ZMYM4: variants seen among roughly 807,000 people sequenced by gnomAD.
The protein encoded by ZMYM4 is zinc finger MYM-type containing 4.
Under a neutral mutation model 183.2 loss-of-function variants are expected in ZMYM4, and 31 were observed. The observed-to-expected ratio is 0.17, with a 90% CI of 0.13 to 0.23. The LOEUF is 0.23. Ranked by LOEUF, ZMYM4 falls within the 10% of genes least tolerant of loss-of-function variation. The probability of loss-of-function intolerance (pLI) is 1.00; values close to 1 mark genes in which losing one functional copy is unlikely to be tolerated. For missense variants in ZMYM4, 1,273 were observed against 1,840.3 expected (o/e 0.69, Z 5.64); for synonymous variants, 592 against 631.2 (o/e 0.94, Z 0.93).
At chr1:35,371,978 A>G (rs1644224680) in intron 7 of ZMYM4, among the ~76,000 whole-genome samples, 1 of 152,180 alleles carries the variant, frequency 6.6e-6, no homozygotes, top group Non-Finnish European at 1.5e-5. Context: ...TAAAAGAACA[A>G]TAGAAACTTC....
intron 7 of ZMYM4, among the ~76,000 whole-genome samples, chr1:35,371,101 G>A: frequency 7.9e-6 from 1 of 126,030 alleles, no homozygotes; most frequent in African/African-American, 3.5e-5. Flanking sequence ...GTGTGTGTGT[G>A]TGTGTGCGCA....
At chr1:35,293,250 C>T (rs1016294950) in intron 1 of ZMYM4, among the ~76,000 whole-genome samples, 19 of 152,002 alleles carry the variant, frequency 1.2e-4, no homozygotes, top group African/African-American at 4.6e-4. Context: ...AATGATCCTC[C>T]TGCCTCAGCC....
intron 23 of ZMYM4, among the ~76,000 whole-genome samples, chr1:35,399,780 G>A (rs889687819): frequency 6.6e-6 from 1 of 151,574 alleles, no homozygotes; most frequent in Non-Finnish European, 1.5e-5. Context: ...TATAGTTAAG[G>A]GTTTTCTTTT....
Position 35,420,087 on chromosome 1 carries a change from G to A in ZMYM4, c.*410G>A, listed in dbSNP as rs1259356445. 1 of 273,910 alleles carries A rather than the reference G, an allele frequency of 3.7e-6. No homozygotes were observed. The highest frequency in any genetic ancestry group is 2.2e-5 in the African/African-American group (1 of 45,768). 17.0% of individuals were successfully genotyped at this position (273,910 alleles called of 1,614,324 possible). A position where few individuals can be genotyped will look rare whatever the true frequency, so the allele number is the denominator to read the frequency against. On this transcript the variant is annotated 3_prime_UTR_variant, in exon 30 of 30. Transcript: ENST00000314607. ...CTACTTTGGCAAGCCCTCCGTAAAAGTCAGAGGAGAGATCAGTACAGAGCT... is the reference window on the plus strand; with the variant it reads ...CTACTTTGGCAAGCCCTCCGTAAAAATCAGAGGAGAGATCAGTACAGAGCT...
At chr1:35,352,583 C>T (rs1643668578) in intron 2 of ZMYM4, among the ~76,000 whole-genome samples, 1 of 152,170 alleles carries the variant, frequency 6.6e-6, no homozygotes, top group Non-Finnish European at 1.5e-5. Flanking sequence ...ACTCATTTTC[C>T]CACTGATGTA....
intron 7 of ZMYM4, 123 bp from the exon 8 acceptor site, chr1:35,381,136 T>G: frequency 2.5e-6 from 2 of 792,088 alleles, no homozygotes; most frequent in Non-Finnish European, 3.7e-6. Flanking sequence ...GTTTTTAAAC[T>G]TAAATTCCAG....
chr1:35,328,705 G>A (rs1045567748), intron 2 of ZMYM4, among the ~76,000 whole-genome samples: 3 of 151,994 alleles, frequency 2.0e-5, no homozygotes, highest in African/African-American at 4.8e-5. Context: ...AGCCCTGGAG[G>A]CAGAGAAGTG....
chr1:35,371,094 TGTGTGTGTGTGTGC>T (rs1397397499), intron 7 of ZMYM4, among the ~76,000 whole-genome samples: 63 of 128,454 alleles, frequency 4.9e-4, no homozygotes, highest in African/African-American at 8.8e-4. Flanking sequence ...TGTGTGTGTG[TGTGTGTGTGTGTGC>T]GCACATTTAT....
chr1:35,276,274 C>T (rs1300820543), intron 1 of ZMYM4, among the ~76,000 whole-genome samples: 1 of 143,002 alleles, frequency 7.0e-6, no homozygotes, highest in Non-Finnish European at 1.5e-5. Flanking sequence ...TTCCCTCCCT[C>T]CCTCCCTTCT....
In ZMYM4 at chr1:35,381,769, A is replaced by T. The variant is rs754241493; in HGVS notation, c.1569+11A>T. 2.5e-6 allele frequency: 4 copies of T among 1,612,736 alleles called. No individual in the cohort carries two copies. The highest frequency in any genetic ancestry group is 1.3e-5 in the African/African-American group (1 of 74,994). The stretch of plus-strand genomic sequence containing the variant: ...ACGGCATACAAGCAGGTACATGACC[A>T]TATTTAATCTTGATGTCTTTGTTCA... On this transcript the variant is annotated intron_variant, in intron 9 of 29. Coordinates refer to ENST00000314607, the MANE Select transcript of ZMYM4 (RefSeq NM_005095.3).
intron 1 of ZMYM4, among the ~76,000 whole-genome samples, chr1:35,280,120 T>C (rs1019056235): frequency 6.8e-6 from 1 of 148,040 alleles, no homozygotes; most frequent in Non-Finnish European, 1.5e-5. Context: ...TTACTTTCTT[T>C]TCTTTCTTTG....
At chr1:35,323,082 C>G (rs542291126) in intron 1 of ZMYM4, among the ~76,000 whole-genome samples, 29 of 152,010 alleles carry the variant, frequency 1.9e-4, no homozygotes, top group African/African-American at 7.0e-4. Flanking sequence ...TCACTGCAAC[C>G]TCCACCTCCT....
intron 7 of ZMYM4, among the ~76,000 whole-genome samples, chr1:35,379,129 GTC>G (rs1289867849): frequency 6.6e-6 from 1 of 152,138 alleles, no homozygotes. Context: ...GAGACGGAGT[GTC>G]TCTCTATCAC....
intron 1 of ZMYM4, among the ~76,000 whole-genome samples, chr1:35,286,418 A>ACTAG (rs1459537451): frequency 6.6e-6 from 1 of 152,082 alleles, no homozygotes; most frequent in African/African-American, 2.4e-5. Flanking sequence ...TACATACGCT[A>ACTAG]CTTCAGACCT....
rs1463712913 is a variant in ZMYM4, at chr1:35,419,887, AT to A, written c.*211del. 1 of 569,128 alleles carries A rather than the reference AT, an allele frequency of 1.8e-6. No individual in the cohort carries two copies. Among genetic ancestry groups the A allele is most frequent in the Non-Finnish European group, 3.1e-6 (1 of 320,456 alleles). The allele number at this position is 569,128 out of a possible 1,614,324, so 35.3% of individuals were successfully genotyped here. A position where few individuals can be genotyped will look rare whatever the true frequency, so the allele number is the denominator to read the frequency against. On this transcript the variant is annotated 3_prime_UTR_variant, in exon 30 of 30. Transcript: ENST00000314607. ...CTGAGAAATGTTCTTTGGCAGTGATATAGTTCTTAGACATCTTCAGAATGAC... is the reference window on the plus strand; with the variant it reads ...CTGAGAAATGTTCTTTGGCAGTGATAAGTTCTTAGACATCTTCAGAATGAC...
chr1:35,286,537 A>T (rs1479884529), intron 1 of ZMYM4, among the ~76,000 whole-genome samples: 1 of 150,862 alleles, frequency 6.6e-6, no homozygotes, highest in African/African-American at 2.4e-5. Flanking sequence ...TCTTTATGAG[A>T]TGGTGTAAGT....
intron 27 of ZMYM4, 99 bp from the exon 28 acceptor site, chr1:35,415,367 T>G (rs1640073631): frequency 2.0e-6 from 3 of 1,495,862 alleles, no homozygotes; most frequent in South Asian, 1.3e-5. Context: ...GAATAGTCAG[T>G]TTTTCTCTTT....
At chr1:35,408,840 A>G (rs886404038) in intron 26 of ZMYM4, among the ~76,000 whole-genome samples, 1 of 152,228 alleles carries the variant, frequency 6.6e-6, no homozygotes, top group Non-Finnish European at 1.5e-5. Flanking sequence ...AGTAGGACTA[A>G]TAAGTACATT....
At chr1:35,373,092 G>C (rs1466300506) in intron 7 of ZMYM4, among the ~76,000 whole-genome samples, 1 of 152,064 alleles carries the variant, frequency 6.6e-6, no homozygotes, top group African/African-American at 2.4e-5. Context: ...CTGGGAGGTA[G>C]AGGTTGCAGT....
Sources: gnomAD v4.1 joint callset for allele counts (sites outside exome capture counted in the v4.1 genomes callset) on GRCh38, gnomAD v4.1.1 for gene constraint, MANE v1.5 for transcripts, NCBI Gene and HGNC (gene_info 2026-07-23, HGNC 2026-07-21) for gene names.